EBF2: variants seen among roughly 807,000 people sequenced by gnomAD.
EBF2 encodes the protein transcription factor COE2.
EBF2 carries 21 observed loss-of-function variants against 72.8 expected under a neutral mutation model. That is an observed-to-expected ratio of 0.29 (90% CI 0.20 to 0.42). EBF2 has a LOEUF of 0.42. Among genes scored for constraint, EBF2 ranks in the 10% least tolerant of loss-of-function variants. EBF2 has a pLI of 1.00. For synonymous variants in EBF2, 299 were observed against 274.2 expected, an observed-to-expected ratio of 1.09 and a Z score of -0.89; for missense variants, 637 against 731.2, an observed-to-expected ratio of 0.87 and a Z score of 1.49.
At chr8:25,858,594 T>A in intron 13 of EBF2, 90 bp from the exon 14 acceptor site, 2 of 1,312,622 alleles carry the variant, frequency 1.5e-6, no homozygotes, top group Non-Finnish European at 2.1e-6. Context: ...GGCCCCAGAC[T>A]GCAGAATGTC....
intron 15 of EBF2, among the ~76,000 whole-genome samples, chr8:25,849,818 C>T (rs1801922669): frequency 1.3e-5 from 2 of 152,212 alleles, no homozygotes; most frequent in Admixed American, 6.5e-5. Context: ...CCTAATCAGG[C>T]ACCTGCTATC....
rs533042311 is a variant in EBF2 at position 26,037,311 on chromosome 8, C to G, written c.482+2717G>C. 1.4e-4 allele frequency among the ~76,000 whole-genome samples: 22 copies of G among 152,236 alleles called. No individual in the cohort carries two copies. The South Asian group carries it at 3.7e-3, about 26-fold the overall frequency. On this transcript the variant is annotated intron_variant, in intron 5 of 15. Coordinates refer to ENST00000520164, the MANE Select transcript of EBF2 (RefSeq NM_022659.4). The stretch of plus-strand genomic sequence containing the variant: ...CCCCAGCCTTGGACAGAGAGTGTCC[C>G]GTCAGCCAAACTCCAGCTCACGACA...
chr8:25,855,472 A>G (rs78368633), intron 14 of EBF2, among the ~76,000 whole-genome samples: 12 of 152,278 alleles, frequency 7.9e-5, no homozygotes, highest in African/African-American at 1.4e-4. Flanking sequence ...CTGATACTCT[A>G]CGTTGGCTGT....
At chr8:25,999,889 C>G (rs1001704165) in intron 6 of EBF2, among the ~76,000 whole-genome samples, 1 of 152,116 alleles carries the variant, frequency 6.6e-6, no homozygotes, top group African/African-American at 2.4e-5. Context: ...AAACCCATCT[C>G]CACTTGGACC....
intron 15 of EBF2, 107 bp downstream of exon 15, chr8:25,850,487 A>G: frequency 2.3e-6 from 3 of 1,281,256 alleles, no homozygotes; most frequent in South Asian, 1.9e-5. Context: ...ACAGCAAAGC[A>G]TCTCTTTGCA....
Position 25,886,842 on chromosome 8 carries a change from G to A in EBF2, c.922C>T (p.Arg308Trp), listed in dbSNP as rs770244798. The change falls in exon 10 of 16, where the codon CGG becomes TGG. Residue 308 changes from arginine (R) to tryptophan (W), a missense_variant. Physicochemically the swap from Arg to Trp is moderately radical, Grantham distance 101. Around this residue, in one of 3 missense-constraint regions of EBF2, gnomAD observed 204 missense variants for 301.2 expected, o/e 0.68. Transcript: ENST00000520164. ...PHAIRVQTPP[R>W]HIPGVVEVTL... ...ACCTCTACCACGCCTGGGATGTGCC[G>A]GGGAGGAGTCTGTACTCTGATGGCA... is the stretch of plus-strand genomic sequence containing the variant. The A allele has an allele frequency of 5.6e-6, 9 of 1,613,198 alleles. No homozygotes were observed. Among genetic ancestry groups the A allele is most frequent in the Admixed American group, 1.7e-5 (1 of 59,956 alleles).
chr8:25,919,145 T>C (rs1401008615), intron 6 of EBF2, among the ~76,000 whole-genome samples: 2 of 152,186 alleles, frequency 1.3e-5, no homozygotes, highest in Non-Finnish European at 2.9e-5. Context: ...ATCTGTGCAC[T>C]GAAAAATGTG....
chr8:26,005,689 GGCATGGTGGTGTGT>G (rs1290582081), intron 6 of EBF2, among the ~76,000 whole-genome samples: 2 of 146,858 alleles, frequency 1.4e-5, no homozygotes, highest in East Asian at 4.0e-4. Context: ...AAATAAGCTG[GGCATGGTGGTGTGT>G]GCATGCAGTC....
Position 25,844,168 on chromosome 8 carries a change from A to G in EBF2, c.*441T>C, listed in dbSNP as rs187303927. On this transcript the variant is annotated 3_prime_UTR_variant, in exon 16 of 16. Coordinates refer to ENST00000520164, the MANE Select transcript of EBF2 (RefSeq NM_022659.4). Reference sequence around the variant, plus strand: ...CCGTGCTGGTACCCTGTTTTGTTCAATTTTTTTCTGCATAAACTAAATTGG... The same window carrying G: ...CCGTGCTGGTACCCTGTTTTGTTCAGTTTTTTTCTGCATAAACTAAATTGG... 6.4e-6 allele frequency: 1 copy of G among 156,116 alleles called. No individual in the cohort carries two copies. The highest frequency in any genetic ancestry group is 1.9e-4 in the East Asian group (1 of 5,306). The allele number at this position is 156,116 out of a possible 1,614,324, so 9.7% of individuals were successfully genotyped here.
chr8:25,913,811 C>T (rs573284688), intron 6 of EBF2, among the ~76,000 whole-genome samples: 16 of 152,248 alleles, frequency 1.1e-4, no homozygotes, highest in Non-Finnish European at 1.9e-4. Context: ...GACTTAAACA[C>T]GTGTGTTCAT....
intron 6 of EBF2, among the ~76,000 whole-genome samples, chr8:25,943,369 G>A (rs886602844): frequency 2.6e-5 from 4 of 151,530 alleles, no homozygotes; most frequent in African/African-American, 9.7e-5. Flanking sequence ...ATTTAGTCGG[G>A]CATGCTGATG....
intron 6 of EBF2, among the ~76,000 whole-genome samples, chr8:25,996,836 G>C (rs995706308): frequency 2.6e-5 from 4 of 152,240 alleles, no homozygotes; most frequent in Non-Finnish European, 5.9e-5. Flanking sequence ...TACCTCATTA[G>C]TAATGAAAAA....
In EBF2 at chr8:26,045,043, G is replaced by T; in HGVS notation, c.-184C>A. ...GTCCTTTGCTTCACTGGCGAGGTGC[G>T]GACTGATGTAGTCAAAGTTTGGGTT... On this transcript the variant is annotated 5_prime_UTR_variant, in exon 1 of 16. Coordinates refer to ENST00000520164, the MANE Select transcript of EBF2 (RefSeq NM_022659.4). 1.6e-6 allele frequency: 1 copy of T among 623,622 alleles called. No homozygotes were observed. The highest frequency in any genetic ancestry group is 2.7e-6 in the Non-Finnish European group (1 of 377,064). The allele number at this position is 623,622 out of a possible 1,614,324, so 38.6% of individuals were successfully genotyped here. A position where few individuals can be genotyped will look rare whatever the true frequency, so the allele number is the denominator to read the frequency against.
intron 6 of EBF2, among the ~76,000 whole-genome samples, chr8:25,926,695 C>G (rs535879599): frequency 1.3e-5 from 2 of 152,276 alleles, no homozygotes; most frequent in African/African-American, 4.8e-5. Context: ...AGCATGAGTC[C>G]TCTCCACATT....
chr8:26,019,313 T>C (rs535296256), intron 6 of EBF2, among the ~76,000 whole-genome samples: 109 of 148,728 alleles, frequency 7.3e-4, no homozygotes, highest in African/African-American at 2.6e-3. Context: ...AAAAAAAGGT[T>C]GGCTTTGGCA....
At chr8:25,927,925 C>A (rs1366956556) in intron 6 of EBF2, among the ~76,000 whole-genome samples, 1 of 152,096 alleles carries the variant, frequency 6.6e-6, no homozygotes, top group South Asian at 2.1e-4. Flanking sequence ...ATGAATAAAA[C>A]CTGGCCCACA....
chr8:26,025,319 T>C (rs1434582109), intron 6 of EBF2, among the ~76,000 whole-genome samples: 3 of 152,196 alleles, frequency 2.0e-5, no homozygotes, highest in Non-Finnish European at 2.9e-5. Context: ...ATTTACGCTG[T>C]ATGCTCCATG....
intron 6 of EBF2, among the ~76,000 whole-genome samples, chr8:25,949,024 G>T (rs148415149): frequency 6.6e-6 from 1 of 152,270 alleles, no homozygotes; most frequent in Non-Finnish European, 1.5e-5. Flanking sequence ...TCAAATGTTT[G>T]CAGTCATCAT....
At chr8:25,847,189 T>C (rs1801857724) in intron 15 of EBF2, among the ~76,000 whole-genome samples, 1 of 152,144 alleles carries the variant, frequency 6.6e-6, no homozygotes. Context: ...TCAGGATAGT[T>C]AGCAAGCCTC....
Sources: gnomAD v4.1 joint callset for allele counts (sites outside exome capture counted in the v4.1 genomes callset) on GRCh38, gnomAD v4.1.1 for gene constraint, gnomAD v4.1.1 regional missense constraint, MANE v1.5 for transcripts, NCBI Gene and HGNC (gene_info 2026-07-23, HGNC 2026-07-21) for gene names.